Variants in STAU2 observed in about 807,000 individuals in gnomAD.
STAU2 encodes double-stranded RNA-binding protein Staufen homolog 2.
Under a neutral mutation model 65.9 loss-of-function variants are expected in STAU2, and 20 were observed. That is an observed-to-expected ratio of 0.30 (90% CI 0.21 to 0.44). The LOEUF (loss-of-function observed/expected upper bound fraction) is 0.44. Among genes scored for constraint, STAU2 ranks in the 20% least tolerant of loss-of-function variants. STAU2 has a pLI of 1.00. For missense variants in STAU2, 558 were observed against 683.9 expected (o/e 0.82, Z 2.05); for synonymous variants, 232 against 233.9 (o/e 0.99, Z 0.07).
At chr8:73,430,409 T>G (rs1232428682) in intron 13 of STAU2, among the ~76,000 whole-genome samples, 1 of 152,192 alleles carries the variant, frequency 6.6e-6, no homozygotes, top group African/African-American at 2.4e-5. Flanking sequence ...GCTGCCTCCC[T>G]GCTCACCATG....
chr8:73,457,096 T>C (rs1336825331), intron 13 of STAU2, among the ~76,000 whole-genome samples: 1 of 152,236 alleles, frequency 6.6e-6, no homozygotes, highest in African/African-American at 2.4e-5. Context: ...CATAATCCTC[T>C]CTGGCCTTTT....
chr8:73,554,567 G>A (rs140719753), intron 12 of STAU2, among the ~76,000 whole-genome samples: 10 of 152,334 alleles, frequency 6.6e-5, no homozygotes, highest in African/African-American at 2.4e-4. Flanking sequence ...ATTATGGCAT[G>A]AGGGTATCTT....
intron 13 of STAU2, among the ~76,000 whole-genome samples, chr8:73,427,264 G>C (rs950329076): frequency 3.3e-5 from 5 of 152,108 alleles, no homozygotes; most frequent in Non-Finnish European, 5.9e-5. Flanking sequence ...TCCACCCTTG[G>C]AGAGGTTGTG....
At chr8:73,625,560 A>C (rs1017727848) in intron 6 of STAU2, among the ~76,000 whole-genome samples, 2 of 152,212 alleles carry the variant, frequency 1.3e-5, no homozygotes, top group Non-Finnish European at 2.9e-5. Flanking sequence ...ATGGAGTTTG[A>C]GGAGTAACTG....
intron 1 of STAU2, among the ~76,000 whole-genome samples, chr8:73,740,904 G>A (rs1806808595): frequency 6.6e-6 from 1 of 151,698 alleles, no homozygotes; most frequent in Admixed American, 6.6e-5. Flanking sequence ...GGGAGGCTGA[G>A]GCAGAAGAAA....
intron 6 of STAU2, among the ~76,000 whole-genome samples, chr8:73,670,941 A>AT (rs1817627670): frequency 6.6e-6 from 1 of 152,146 alleles, no homozygotes; most frequent in South Asian, 2.1e-4. Flanking sequence ...TAAAAGCCAA[A>AT]TTTTTTAAAG....
chr8:73,734,107 T>G (rs2130761574), intron 3 of STAU2, among the ~76,000 whole-genome samples: 1 of 152,136 alleles, frequency 6.6e-6, no homozygotes. Flanking sequence ...GTAACATATA[T>G]TCACATAAAA....
At chr8:73,456,157 T>C (rs1481672560) in intron 13 of STAU2, among the ~76,000 whole-genome samples, 2 of 83,754 alleles carry the variant, frequency 2.4e-5, no homozygotes, top group Admixed American at 1.0e-4. Flanking sequence ...TTCTATCTTG[T>C]TGTCATGGAG....
intron 13 of STAU2, among the ~76,000 whole-genome samples, chr8:73,503,899 G>A (rs917476929): frequency 6.6e-6 from 1 of 151,798 alleles, no homozygotes; most frequent in Non-Finnish European, 1.5e-5. Flanking sequence ...CCTTAGGGAG[G>A]GACTCAGTTT....
In STAU2 at chr8:73,486,091, A is replaced by G. The variant is rs145326888; in HGVS notation, c.1531-63389T>C. Among the ~76,000 whole-genome samples, 162 of 152,218 alleles carry G rather than the reference A, an allele frequency of 1.1e-3. 2 individuals are homozygous for G. The Middle Eastern group carries it at 0.048, about 45-fold the overall frequency. Reference sequence around the variant, plus strand: ...CAACATAGAGGCCAGACCTCTTTCTATAAGTAACTAACCTGTTAACTTTGC... The same window carrying G: ...CAACATAGAGGCCAGACCTCTTTCTGTAAGTAACTAACCTGTTAACTTTGC... On this transcript the variant is annotated intron_variant, in intron 13 of 14. Transcript: ENST00000524300.
chr8:73,651,461 C>A, intron 6 of STAU2: 2 of 675,690 alleles, frequency 3.0e-6, no homozygotes, highest in South Asian at 1.4e-5. Context: ...ACGGCAAATG[C>A]AGGACTCCCA....
At chr8:73,616,433 T>C (rs944642587) in intron 7 of STAU2, among the ~76,000 whole-genome samples, 14 of 152,058 alleles carry the variant, frequency 9.2e-5, no homozygotes, top group African/African-American at 3.1e-4. Flanking sequence ...TTAAGATAAA[T>C]ATCAAAGGAG....
At chr8:73,586,646 C>CA (rs56687221) in intron 11 of STAU2, among the ~76,000 whole-genome samples, 12,471 of 62,640 alleles carry the variant, frequency 0.2, 1,031 homozygotes, top group East Asian at 0.29. Context: ...AAAAAAAATG[C>CA]AAAAAAAAAA....
intron 6 of STAU2, among the ~76,000 whole-genome samples, chr8:73,627,631 C>T (rs1435761827): frequency 1.3e-5 from 2 of 151,830 alleles, no homozygotes; most frequent in East Asian, 1.9e-4. Flanking sequence ...TTTATTTCCA[C>T]AATTTATTTT....
At chr8:73,494,956 A>G (rs1015992285) in intron 13 of STAU2, among the ~76,000 whole-genome samples, 1 of 151,646 alleles carries the variant, frequency 6.6e-6, no homozygotes, top group East Asian at 1.9e-4. Flanking sequence ...GAACCATAAG[A>G]TACTGCAAAG....
Position 73,509,444 on chromosome 8 carries a change from T to TA in STAU2, c.1530+42567dup, listed in dbSNP as rs550079301. ...TATTTTCCTCTAATCTGTGGCTTTT[T>TA]AAAAAACATTTTATTTTAAAATAAA... On this transcript the variant is annotated intron_variant, in intron 13 of 14. Transcript: ENST00000524300. Among the ~76,000 whole-genome samples, 221 of 152,278 alleles carry TA rather than the reference T, an allele frequency of 1.5e-3. 1 individual carries two copies. Among genetic ancestry groups the TA allele is most frequent in the African/African-American group, 4.8e-3 (201 of 41,564 alleles).
At chr8:73,724,968 T>C (rs1055526549) in intron 3 of STAU2, among the ~76,000 whole-genome samples, 6 of 152,184 alleles carry the variant, frequency 3.9e-5, no homozygotes, top group Admixed American at 1.3e-4. Flanking sequence ...GATACAGGCA[T>C]GAGCCACCAT....
chr8:73,484,987 C>G (rs1820833653), intron 13 of STAU2, among the ~76,000 whole-genome samples: 1 of 151,956 alleles, frequency 6.6e-6, no homozygotes, highest in Admixed American at 6.6e-5. Flanking sequence ...CTTCCAAGAC[C>G]AAATTCAGGT....
rs756748827 is a variant in STAU2, at chr8:73,739,814, C to CT, written c.-143dup. ...CTTTGAGTTCTTCTTTTTCTGTCTT[C>CT]TTTTTTTTCTTCAATCTTTAAAAAG... On this transcript the variant is annotated 5_prime_UTR_variant, in exon 2 of 15. Coordinates refer to ENST00000524300, the MANE Select transcript of STAU2 (RefSeq NM_001164380.2). The CT allele has an allele frequency of 3.2e-5, 48 of 1,510,686 alleles. No homozygotes were observed. Among genetic ancestry groups the CT allele is most frequent in the Middle Eastern group, 2.0e-4 (1 of 5,068 alleles). The allele number at this position is 1,510,686 out of a possible 1,614,324, so 93.6% of individuals were successfully genotyped here.
Sources: gnomAD v4.1 joint callset for allele counts (sites outside exome capture counted in the v4.1 genomes callset) on GRCh38, gnomAD v4.1.1 for gene constraint, MANE v1.5 for transcripts, NCBI Gene and HGNC (gene_info 2026-07-23, HGNC 2026-07-21) for gene names.